Variants in SIPA1L2 observed in about 807,000 individuals in gnomAD.
SIPA1L2 encodes signal induced proliferation associated 1 like 2.
In SIPA1L2, 56 loss-of-function variants were observed where a neutral mutation model predicts 163.9. The ratio of observed to expected loss-of-function variants is 0.34; its 90% CI spans 0.28 to 0.43. SIPA1L2 has a LOEUF of 0.43. SIPA1L2 is among the 20% of genes least tolerant of loss of function. SIPA1L2 has a pLI of 1.00. For synonymous variants in SIPA1L2, 877 were observed against 865.7 expected (o/e 1.01, Z -0.23); for missense variants, 1,974 against 2,193.5 (o/e 0.90, Z 2.00).
intron 4 of SIPA1L2, among the ~76,000 whole-genome samples, chr1:232,492,196 TG>T (rs1665965625): frequency 1.3e-5 from 2 of 152,102 alleles, no homozygotes; most frequent in South Asian, 4.1e-4. Flanking sequence ...TTCATGCAGC[TG>T]GAAACTAGAA....
In SIPA1L2 at chr1:232,432,277, G is replaced by C; in HGVS notation, c.4226C>G (p.Pro1409Arg). ...GWKKSEGSPP[P>R]EEPEVTECPG... ...ACATTCAGTCACTTCAGGCTCCTCG[G>C]GCGGTGGGCTGCCCTCCGATTTCTT... The change falls in exon 16 of 23, where the codon CCC becomes CGC. Residue 1409 changes from proline (P) to arginine (R), a missense_variant. This residue lies in a region of SIPA1L2 where 1,079 missense variants were observed against 1,150.7 expected (regional missense o/e 0.94). Transcript: ENST00000674635. The C allele has an allele frequency of 6.2e-7, 1 of 1,614,064 alleles. No individual in the cohort carries two copies. Among genetic ancestry groups the C allele is most frequent in the Non-Finnish European group, 8.5e-7 (1 of 1,180,012 alleles).
chr1:232,621,812 C>G (rs1318831325), intron 1 of SIPA1L2, among the ~76,000 whole-genome samples: 1 of 152,020 alleles, frequency 6.6e-6, no homozygotes, highest in East Asian at 1.9e-4. Context: ...CCACCGTAAC[C>G]TCGAACGCCT....
intron 10 of SIPA1L2, among the ~76,000 whole-genome samples, chr1:232,459,075 T>G (rs1417209996): frequency 1.3e-5 from 2 of 152,190 alleles, no homozygotes; most frequent in African/African-American, 2.4e-5. Flanking sequence ...AGGCAAATGC[T>G]AAGATAACTA....
intron 22 of SIPA1L2, 130 bp from the exon 23 acceptor site, chr1:232,399,403 CT>C: frequency 1.0e-6 from 1 of 984,694 alleles, no homozygotes; most frequent in Non-Finnish European, 1.5e-6. Flanking sequence ...GGGTGACTTT[CT>C]TTAGTGAGGG....
chr1:232,427,969 C>T (rs1661999793), intron 17 of SIPA1L2, among the ~76,000 whole-genome samples: 1 of 152,234 alleles, frequency 6.6e-6, no homozygotes, highest in Non-Finnish European at 1.5e-5. Flanking sequence ...TGAATTTTAA[C>T]AGCTACTGTT....
chr1:232,410,380 C>G (rs1181557168), intron 19 of SIPA1L2, among the ~76,000 whole-genome samples: 1 of 152,062 alleles, frequency 6.6e-6, no homozygotes, highest in Non-Finnish European at 1.5e-5. Context: ...AAACTAAACT[C>G]TTGCCAATAA....
At chr1:232,451,355 C>T (rs979729123) in intron 10 of SIPA1L2, among the ~76,000 whole-genome samples, 2 of 152,116 alleles carry the variant, frequency 1.3e-5, no homozygotes, top group Non-Finnish European at 2.9e-5. Context: ...ATCCTCTCTC[C>T]CACTTGGGGG....
At chr1:232,535,433 G>A (rs114584023) in intron 2 of SIPA1L2, among the ~76,000 whole-genome samples, 300 of 152,122 alleles carry the variant, frequency 2.0e-3, no homozygotes, top group Middle Eastern at 3.4e-3. Context: ...AACAGAAGCC[G>A]GAATTTTAAT....
chr1:232,578,420 CAAAA>C (rs367862152), intron 1 of SIPA1L2, among the ~76,000 whole-genome samples: 1 of 143,124 alleles, frequency 7.0e-6, no homozygotes. Context: ...ATGTTTCTTA[CAAAA>C]AAAAAAGGCA....
intron 1 of SIPA1L2, among the ~76,000 whole-genome samples, chr1:232,624,337 G>C (rs1240099296): frequency 1.3e-5 from 2 of 152,128 alleles, no homozygotes; most frequent in Non-Finnish European, 2.9e-5. Context: ...ACTTCAATAC[G>C]GAGAGGACAG....
intron 10 of SIPA1L2, among the ~76,000 whole-genome samples, 192 bp downstream of exon 10, chr1:232,460,695 T>C (rs1412179372): frequency 6.6e-6 from 1 of 152,256 alleles, no homozygotes; most frequent in Non-Finnish European, 1.5e-5. Flanking sequence ...CTATTACATA[T>C]TTTAAAGCTC....
chr1:232,407,272 C>T (rs965592761), intron 19 of SIPA1L2, among the ~76,000 whole-genome samples: 2 of 150,536 alleles, frequency 1.3e-5, no homozygotes, highest in Non-Finnish European at 2.9e-5. Flanking sequence ...TTTTTCTTTC[C>T]ATTTTTTTTT....
At chr1:232,530,217 C>A (rs971199703) in intron 2 of SIPA1L2, among the ~76,000 whole-genome samples, 2 of 22,848 alleles carry the variant, frequency 8.8e-5, no homozygotes, top group African/African-American at 7.6e-4. Flanking sequence ...CAGGTTCAAG[C>A]GATTCCCCCG....
At chr1:232,522,277 C>G (rs1334517121) in intron 2 of SIPA1L2, among the ~76,000 whole-genome samples, 4 of 152,128 alleles carry the variant, frequency 2.6e-5, no homozygotes, top group African/African-American at 9.7e-5. Context: ...AGTTCCAGCC[C>G]CTTGTGCAGC....
chr1:232,462,265 T>C, intron 9 of SIPA1L2: 1 of 1,550,742 alleles, frequency 6.4e-7, no homozygotes, highest in Non-Finnish European at 8.7e-7. Flanking sequence ...TGACCTCACC[T>C]ATCTGTGGGA....
intron 2 of SIPA1L2, among the ~76,000 whole-genome samples, chr1:232,549,231 C>T (rs944435607): frequency 2.0e-5 from 3 of 152,216 alleles, no homozygotes; most frequent in Admixed American, 6.5e-5. Flanking sequence ...CCTGCCTGGA[C>T]GACCTCCCAG....
intron 2 of SIPA1L2, among the ~76,000 whole-genome samples, chr1:232,546,153 C>T (rs1177000185): frequency 6.6e-6 from 1 of 152,220 alleles, no homozygotes; most frequent in Non-Finnish European, 1.5e-5. Flanking sequence ...TTGTAATAGA[C>T]TGAAGACAAG....
intron 2 of SIPA1L2, among the ~76,000 whole-genome samples, chr1:232,573,910 A>C (rs1659941915): frequency 6.6e-6 from 1 of 152,170 alleles, no homozygotes; most frequent in Non-Finnish European, 1.5e-5. Flanking sequence ...AAACGCATTC[A>C]GGGATGCTCA....
chr1:232,441,935 G>A (rs1662924491), intron 12 of SIPA1L2, 67 bp from the exon 13 acceptor site: 2 of 1,353,492 alleles, frequency 1.5e-6, no homozygotes, highest in Admixed American at 2.0e-5. Flanking sequence ...GCACACGGGA[G>A]TGCTGGCTTC....
Sources: allele counts gnomAD v4.1 joint callset (sites outside exome capture counted in the v4.1 genomes callset), GRCh38; gene constraint gnomAD v4.1.1; regional missense constraint gnomAD v4.1.1; transcripts MANE v1.5; gene names NCBI Gene and HGNC (gene_info 2026-07-23, HGNC 2026-07-21).